The following RIOK3 variants were observed in gnomAD, a reference collection of about 807,000 sequenced individuals.
RIOK3 encodes the protein RIO kinase 3.
A neutral mutation model predicts 63.5 loss-of-function variants in RIOK3; 40 were observed. The observed-to-expected ratio is 0.63, with a 90% CI of 0.49 to 0.82. The LOEUF is 0.82. RIOK3 is among the 40% of genes least tolerant of loss of function. The pLI, the probability that RIOK3 is intolerant of heterozygous loss-of-function variation, is 0.00. For missense variants in RIOK3, 557 were observed against 637.0 expected, an observed-to-expected ratio of 0.87 and a Z score of 1.35; for synonymous variants, 193 against 205.0, an observed-to-expected ratio of 0.94 and a Z score of 0.50.
chr18:23,474,866 C>T, intron 8 of RIOK3, 82 bp from the exon 9 acceptor site: 2 of 1,055,300 alleles, frequency 1.9e-6, no homozygotes, highest in South Asian at 1.5e-5. Flanking sequence ...TCATTGCAGG[C>T]CCTGATTAGA....
At chr18:23,473,085 T>C (rs1472861681) in intron 7 of RIOK3, among the ~76,000 whole-genome samples, 1 of 152,250 alleles carries the variant, frequency 6.6e-6, no homozygotes, top group East Asian at 1.9e-4. Flanking sequence ...TTGTTGCTTT[T>C]TATTGAATTT....
chr18:23,453,620 A>G, intron 1 of RIOK3, 118 bp downstream of exon 1: 1 of 864,156 alleles, frequency 1.2e-6, no homozygotes. Context: ...GACCCCGCGG[A>G]CCTCGGCAAG....
chr18:23,476,262 T>G (rs987299994), intron 9 of RIOK3, among the ~76,000 whole-genome samples: 4 of 152,192 alleles, frequency 2.6e-5, no homozygotes, highest in African/African-American at 9.6e-5. Context: ...TCTGAGGGCC[T>G]TCCAGGTTGA....
In RIOK3 at chr18:23,464,282, G is replaced by T. The variant is rs755008444; in HGVS notation, c.402G>T (p.Trp134Cys). ...ATAGCTCTGAAGATGAGGTTGACTG[G>T]CAGGATACTCGTGATGATCCCTACA... ...DSDSSEDEVD[W>C]QDTRDDPYRP... is the part of the protein sequence containing the mutation. Residue 134 changes from tryptophan (W) to cysteine (C), a missense_variant, in exon 4 of 13, where the codon TGG (tryptophan) becomes TGT (cysteine). By Grantham distance (215) the Trp-to-Cys change is radical. Transcript: ENST00000339486. The T allele has an allele frequency of 6.2e-7, 1 of 1,614,066 alleles. No individual in the cohort carries two copies. The highest frequency in any genetic ancestry group is 8.5e-7 in the Non-Finnish European group (1 of 1,179,930).
intron 12 of RIOK3, among the ~76,000 whole-genome samples, chr18:23,480,149 T>G (rs2057521805): frequency 6.6e-6 from 1 of 152,150 alleles, no homozygotes; most frequent in Admixed American, 6.5e-5. Flanking sequence ...AAAAGCTTCC[T>G]CCAGAGAAAG....
In RIOK3 at chr18:23,473,594, G is replaced by A; in HGVS notation, c.981G>A (p.Met327Ile). Residue 327 changes from methionine (M) to isoleucine (I), a missense_variant, in exon 8 of 13, where the codon ATG becomes ATA. Met to Ile is a conservative substitution (Grantham distance 10, BLOSUM62 1). Transcript: ENST00000339486. Reference protein sequence around the residue: ...SKLNPRKIIRMWAEKEMHNLA... With the variant: ...SKLNPRKIIRIWAEKEMHNLA... ...TAAATCCACGTAAGATCATCCGCAT[G>A]TGGGCAGAAAAAGAAATGCACAATC... 1.2e-6 allele frequency: 2 copies of A among 1,613,530 alleles called. No individual in the cohort carries two copies. The highest frequency in any genetic ancestry group is 2.2e-5 in the East Asian group (1 of 44,798).
intron 11 of RIOK3, 115 bp from the exon 12 acceptor site, chr18:23,479,200 TGC>T: frequency 9.5e-6 from 6 of 628,518 alleles, no homozygotes; most frequent in Non-Finnish European, 1.2e-5. Flanking sequence ...TGTGTGTGTG[TGC>T]GTGTGCACAC....
intron 6 of RIOK3, among the ~76,000 whole-genome samples, chr18:23,466,654 T>TA (rs2057410048): frequency 7.3e-6 from 1 of 137,258 alleles, no homozygotes; most frequent in African/African-American, 2.8e-5. Context: ...TGTGCCACTG[T>TA]ACTGCAGCCT....
chr18:23,469,374 C>CCCTCT (rs1461094620), intron 7 of RIOK3, among the ~76,000 whole-genome samples: 13 of 2,730 alleles, frequency 4.8e-3, no homozygotes, highest in East Asian at 0.012. Context: ...TCCCTCCCTC[C>CCCTCT]CTCCCCTCCC....
At chr18:23,455,441 G>A (rs771485509) in intron 1 of RIOK3, among the ~76,000 whole-genome samples, 2 of 145,678 alleles carry the variant, frequency 1.4e-5, no homozygotes, top group Admixed American at 1.4e-4. Context: ...TGCCCAGGCT[G>A]TAGTGCAGTG....
chr18:23,459,626 G>A (rs1457839454), intron 1 of RIOK3, among the ~76,000 whole-genome samples: 1 of 152,180 alleles, frequency 6.6e-6, no homozygotes, highest in African/African-American at 2.4e-5. Context: ...AAAAACCAAT[G>A]GTAGAGAAAG....
intron 1 of RIOK3, among the ~76,000 whole-genome samples, chr18:23,460,897 C>T (rs1412815183): frequency 6.6e-6 from 1 of 152,204 alleles, no homozygotes; most frequent in Non-Finnish European, 1.5e-5. Flanking sequence ...ATGAAAGACA[C>T]ACCAGACTTT....
At chr18:23,467,664 C>A in intron 7 of RIOK3, 138 bp downstream of exon 7, 1 of 767,254 alleles carries the variant, frequency 1.3e-6, no homozygotes, top group South Asian at 2.0e-5. Context: ...AAAGTCTAGG[C>A]AGTATAGGAA....
chr18:23,457,328 G>A (rs1046042295), intron 1 of RIOK3, among the ~76,000 whole-genome samples: 2 of 152,040 alleles, frequency 1.3e-5, no homozygotes, highest in Non-Finnish European at 1.5e-5. Flanking sequence ...AATAAATAGC[G>A]GTACTCCTCA....
At chr18:23,476,013 C>T (rs1405048176) in intron 9 of RIOK3, among the ~76,000 whole-genome samples, 1 of 144,358 alleles carries the variant, frequency 6.9e-6, no homozygotes, top group Non-Finnish European at 1.5e-5. Flanking sequence ...TCTCGAACTC[C>T]TGGGCTCAAG....
rs773512461 is a variant in RIOK3 at position 23,479,298 on chromosome 18, T to G, written c.1345-19T>G. The G allele has an allele frequency of 6.8e-7, 1 of 1,475,170 alleles. No homozygotes were observed. Among genetic ancestry groups the G allele is most frequent in the African/African-American group, 1.4e-5 (1 of 72,266 alleles). 91.4% of individuals were successfully genotyped at this position (1,475,170 alleles called of 1,614,324 possible). ...CATTGCTAATACTTCTTACTGACTT[T>G]CTTGTATTTCCTTACTAGTTTTTCC... On this transcript the variant is annotated intron_variant, in intron 11 of 12. Coordinates refer to ENST00000339486, the MANE Select transcript of RIOK3 (RefSeq NM_003831.5).
chr18:23,463,357 C>A (rs924658805), intron 2 of RIOK3: 27 of 229,194 alleles, frequency 1.2e-4, no homozygotes, highest in Non-Finnish European at 1.3e-4. Flanking sequence ...TTTATCTTTT[C>A]ATGAATATGT....
At chr18:23,469,898 C>G (rs2057444710) in intron 7 of RIOK3, among the ~76,000 whole-genome samples, 1 of 152,106 alleles carries the variant, frequency 6.6e-6, no homozygotes, top group South Asian at 2.1e-4. Flanking sequence ...TTTTTACTCT[C>G]AAAGAGCTTA....
At chr18:23,474,811 C>A in intron 8 of RIOK3, 137 bp from the exon 9 acceptor site, 1 of 632,034 alleles carries the variant, frequency 1.6e-6, no homozygotes, top group Non-Finnish European at 2.8e-6. Flanking sequence ...CTGTGTTTTA[C>A]TGTCTTTGTA....
Sources: allele counts gnomAD v4.1 joint callset (sites outside exome capture counted in the v4.1 genomes callset), GRCh38; gene constraint gnomAD v4.1.1; transcripts MANE v1.5; gene names NCBI Gene and HGNC (gene_info 2026-07-23, HGNC 2026-07-21).